SORCS2: variants seen among roughly 807,000 people sequenced by gnomAD.
The protein encoded by SORCS2 is sortilin related VPS10 domain containing receptor 2.
SORCS2 carries 100 observed loss-of-function variants against 141.6 expected under a neutral mutation model. The observed-to-expected ratio is 0.71, with a 90% CI of 0.60 to 0.83. The LOEUF (loss-of-function observed/expected upper bound fraction) is 0.83. Among genes scored for constraint, SORCS2 ranks in the 40% least tolerant of loss-of-function variants. The probability of loss-of-function intolerance (pLI) is 0.00; values close to 1 mark genes in which losing one functional copy is unlikely to be tolerated. For synonymous variants in SORCS2, 789 were observed against 676.9 expected, an observed-to-expected ratio of 1.17 and a Z score of -2.57; for missense variants, 1,646 against 1,560.2, an observed-to-expected ratio of 1.05 and a Z score of -0.93.
At chr4:7,444,416 A>G (rs745536673) in intron 2 of SORCS2, among the ~76,000 whole-genome samples, 26 of 152,212 alleles carry the variant, frequency 1.7e-4, no homozygotes, top group Non-Finnish European at 2.9e-4. Context: ...CTGTGATTCA[A>G]CAAAACATTT....
At chr4:7,343,176 G>C (rs1720461440) in intron 1 of SORCS2, among the ~76,000 whole-genome samples, 2 of 152,240 alleles carry the variant, frequency 1.3e-5, no homozygotes, top group African/African-American at 4.8e-5. Flanking sequence ...TGGCAAACGT[G>C]CCAGTCGCCC....
At chr4:7,350,036 A>C (rs1720848505) in intron 1 of SORCS2, among the ~76,000 whole-genome samples, 1 of 152,186 alleles carries the variant, frequency 6.6e-6, no homozygotes, top group South Asian at 2.1e-4. Flanking sequence ...GGACATTCAA[A>C]AAAATAGCCA....
At chr4:7,400,461 C>G (rs1226112672) in intron 2 of SORCS2, among the ~76,000 whole-genome samples, 1 of 151,224 alleles carries the variant, frequency 6.6e-6, no homozygotes. Flanking sequence ...TATGGTTTGC[C>G]CCACCACCAC....
intron 1 of SORCS2, among the ~76,000 whole-genome samples, chr4:7,311,746 G>A (rs1322236035): frequency 1.3e-5 from 2 of 152,138 alleles, no homozygotes; most frequent in Non-Finnish European, 2.9e-5. Flanking sequence ...GTTTGCTTTT[G>A]TCATGGTTAT....
intron 4 of SORCS2, among the ~76,000 whole-genome samples, chr4:7,642,048 A>T (rs561584482): frequency 5.9e-5 from 9 of 152,236 alleles, no homozygotes; most frequent in African/African-American, 2.2e-4. Flanking sequence ...TGGGTGGTGG[A>T]TGGATGGGGA....
intron 14 of SORCS2, among the ~76,000 whole-genome samples, chr4:7,704,805 G>T (rs375261242): frequency 1.3e-5 from 2 of 152,216 alleles, no homozygotes; most frequent in African/African-American, 2.4e-5. Flanking sequence ...CGCTGCGGCC[G>T]CAATGGGAGA....
intron 3 of SORCS2, among the ~76,000 whole-genome samples, chr4:7,592,144 C>T (rs566509588): frequency 1.3e-5 from 2 of 152,300 alleles, no homozygotes; most frequent in Non-Finnish European, 2.9e-5. Context: ...CGACAAAGCC[C>T]CTTTCATTTT....
intron 1 of SORCS2, among the ~76,000 whole-genome samples, chr4:7,378,739 C>T (rs569079914): frequency 6.6e-6 from 1 of 152,194 alleles, no homozygotes; most frequent in Non-Finnish European, 1.5e-5. Flanking sequence ...TTGCATGTGT[C>T]ATCCCTGAGG....
At chr4:7,517,812 G>A (rs73082839) in intron 2 of SORCS2, among the ~76,000 whole-genome samples, 121 of 152,286 alleles carry the variant, frequency 7.9e-4, no homozygotes, top group African/African-American at 2.7e-3. Context: ...TGTTGTTCAC[G>A]AAGGGCACCA....
At chr4:7,523,889 C>T (rs996918983) in intron 2 of SORCS2, among the ~76,000 whole-genome samples, 3 of 152,186 alleles carry the variant, frequency 2.0e-5, no homozygotes, top group Non-Finnish European at 2.9e-5. Context: ...AAGAGGCCCC[C>T]TCCCTCCTTG....
chr4:7,275,180 T>C (rs1442241930), intron 1 of SORCS2, among the ~76,000 whole-genome samples: 1 of 152,206 alleles, frequency 6.6e-6, no homozygotes, highest in African/African-American at 2.4e-5. Flanking sequence ...TTGTGGGTTG[T>C]TGGAGGCATT....
intron 1 of SORCS2, among the ~76,000 whole-genome samples, chr4:7,228,404 G>A (rs968216213): frequency 6.6e-6 from 1 of 152,300 alleles, no homozygotes. Context: ...GCATGTGTCC[G>A]GTGCTGTGGG....
At chr4:7,294,170 C>T (rs1577363836) in intron 1 of SORCS2, among the ~76,000 whole-genome samples, 1 of 152,156 alleles carries the variant, frequency 6.6e-6, no homozygotes, top group African/African-American at 2.4e-5. Flanking sequence ...TGCATACGCA[C>T]CGGTGATGCC....
At chr4:7,419,391 G>A (rs766949373) in intron 2 of SORCS2, among the ~76,000 whole-genome samples, 1 of 152,160 alleles carries the variant, frequency 6.6e-6, no homozygotes. Context: ...AGGAAAGGCT[G>A]TGTGAGCCTT....
intron 2 of SORCS2, among the ~76,000 whole-genome samples, chr4:7,497,767 A>G (rs917525686): frequency 2.6e-5 from 4 of 152,256 alleles, no homozygotes; most frequent in African/African-American, 9.6e-5. Context: ...TGAGTTGCCC[A>G]AGGTGACTCC....
chr4:7,342,320 C>T (rs927777147), intron 1 of SORCS2, among the ~76,000 whole-genome samples: 5 of 152,224 alleles, frequency 3.3e-5, no homozygotes, highest in Non-Finnish European at 7.3e-5. Flanking sequence ...GACGTTGCCC[C>T]GGGCCCTGTG....
At chr4:7,439,417 C>A (rs368315712) in intron 2 of SORCS2, among the ~76,000 whole-genome samples, 2 of 152,146 alleles carry the variant, frequency 1.3e-5, no homozygotes, top group African/African-American at 4.8e-5. Flanking sequence ...GAAATGCAAA[C>A]CCTGCTAACT....
chr4:7,325,034 C>A (rs989521265), intron 1 of SORCS2, among the ~76,000 whole-genome samples: 1 of 152,124 alleles, frequency 6.6e-6, no homozygotes. Flanking sequence ...ATGTGGGTGG[C>A]GCACAGGACC....
chr4:7,712,913 C>G (rs2285783), intron 15 of SORCS2, 60 bp downstream of exon 15: 309,345 of 1,590,496 alleles, frequency 0.19, 35,378 homozygotes, highest in East Asian at 0.48. Flanking sequence ...CACAGGCCCA[C>G]TCTGCCTGCC....
Sources: gnomAD v4.1 joint callset for allele counts (sites outside exome capture counted in the v4.1 genomes callset) on GRCh38, gnomAD v4.1.1 for gene constraint, MANE v1.5 for transcripts, NCBI Gene and HGNC (gene_info 2026-07-23, HGNC 2026-07-21) for gene names.